The following HIVEP3 variants were observed in gnomAD, a reference collection of about 807,000 sequenced individuals.
HIVEP3 encodes transcription factor HIVEP3.
A neutral mutation model predicts 152.8 loss-of-function variants in HIVEP3; 49 were observed. The observed-to-expected ratio is 0.32, with a 90% CI of 0.26 to 0.41. HIVEP3 has a LOEUF of 0.41. HIVEP3 is among the 10% of genes least tolerant of loss of function. HIVEP3 has a pLI of 1.00. For synonymous variants in HIVEP3, 1,269 were observed against 1,289.0 expected (o/e 0.98, Z 0.33); for missense variants, 2,790 against 3,103.3 (o/e 0.90, Z 2.40).
intron 2 of HIVEP3, among the ~76,000 whole-genome samples, chr1:41,692,995 G>A (rs1646219302): frequency 6.6e-6 from 1 of 152,176 alleles, no homozygotes; most frequent in South Asian, 2.1e-4. Flanking sequence ...TTTTATAAGT[G>A]TTATCTCATT....
At chr1:41,944,547 T>C (rs1309346337) in intron 1 of HIVEP3, among the ~76,000 whole-genome samples, 1 of 152,154 alleles carries the variant, frequency 6.6e-6, no homozygotes, top group Non-Finnish European at 1.5e-5. Context: ...TATGAAATAC[T>C]CAGGAACCCA....
At chr1:41,830,899 C>A (rs543549357) in intron 1 of HIVEP3, among the ~76,000 whole-genome samples, 1 of 152,154 alleles carries the variant, frequency 6.6e-6, no homozygotes, top group Non-Finnish European at 1.5e-5. Flanking sequence ...TATCCCTACG[C>A]GTTCGTGACT....
chr1:41,977,626 G>A (rs569902955), intron 1 of HIVEP3, among the ~76,000 whole-genome samples: 6 of 152,346 alleles, frequency 3.9e-5, no homozygotes, highest in African/African-American at 9.6e-5. Context: ...GAACATCTGC[G>A]AATAAAGCAG....
intron 1 of HIVEP3, among the ~76,000 whole-genome samples, chr1:41,813,774 T>C (rs1203186688): frequency 1.3e-5 from 2 of 152,124 alleles, no homozygotes; most frequent in African/African-American, 4.8e-5. Context: ...CAACTCTTCC[T>C]AAACACAGGG....
chr1:41,702,545 T>G (rs975870102), intron 1 of HIVEP3, among the ~76,000 whole-genome samples: 1 of 152,238 alleles, frequency 6.6e-6, no homozygotes, highest in African/African-American at 2.4e-5. Context: ...CTAAATGAAC[T>G]GATGTACATA....
chr1:41,548,609 C>T (rs1377269206), intron 5 of HIVEP3, among the ~76,000 whole-genome samples: 1 of 151,950 alleles, frequency 6.6e-6, no homozygotes, highest in African/African-American at 2.4e-5. Context: ...GATATCGGCT[C>T]ATTGCAACCT....
chr1:41,535,612 G>C (rs1046591615), intron 5 of HIVEP3: 1 of 152,234 alleles, frequency 6.6e-6, no homozygotes, highest in Non-Finnish European at 1.5e-5. Context: ...GCAGGACAGA[G>C]GCTATGGGGA....
intron 2 of HIVEP3, among the ~76,000 whole-genome samples, chr1:41,650,206 G>A (rs746126506): frequency 7.2e-5 from 11 of 152,118 alleles, no homozygotes; most frequent in African/African-American, 1.9e-4. Flanking sequence ...GAAAGGACCC[G>A]AGGGACTGCT....
At chr1:41,545,695 TCACCACCAC>T (rs58607679) in intron 5 of HIVEP3, among the ~76,000 whole-genome samples, 23 of 91,060 alleles carry the variant, frequency 2.5e-4, no homozygotes, top group African/African-American at 4.3e-4. Context: ...ATCACCACCA[TCACCACCAC>T]CACCACCACC....
chr1:41,989,959 G>C (rs1291870161), intron 1 of HIVEP3, among the ~76,000 whole-genome samples: 2 of 106,254 alleles, frequency 1.9e-5, no homozygotes, highest in South Asian at 3.7e-4. Flanking sequence ...ATTTGATCCT[G>C]TCATGATGAT....
intron 1 of HIVEP3, among the ~76,000 whole-genome samples, chr1:42,004,375 T>C (rs1245696014): frequency 6.6e-6 from 1 of 152,230 alleles, no homozygotes; most frequent in Non-Finnish European, 1.5e-5. Context: ...TTAATTATGT[T>C]TGCACATCCA....
intron 1 of HIVEP3, among the ~76,000 whole-genome samples, chr1:41,713,044 C>T (rs555744131): frequency 7.1e-4 from 108 of 152,316 alleles, no homozygotes; most frequent in African/African-American, 2.5e-3. Context: ...ACAAGTTCAG[C>T]AGAGCATTTG....
intron 2 of HIVEP3, among the ~76,000 whole-genome samples, chr1:41,655,855 C>T (rs1455989017): frequency 3.3e-5 from 5 of 152,144 alleles, no homozygotes; most frequent in Admixed American, 2.0e-4. Flanking sequence ...GAGGGCTCAA[C>T]AGATGTCTGC....
intron 1 of HIVEP3, among the ~76,000 whole-genome samples, chr1:41,929,839 C>A (rs1448904524): frequency 6.7e-6 from 1 of 149,850 alleles, no homozygotes; most frequent in Non-Finnish European, 1.5e-5. Flanking sequence ...TTATTAGTAA[C>A]TTCTTTCTCA....
intron 1 of HIVEP3, among the ~76,000 whole-genome samples, chr1:41,713,818 A>G (rs1646550282): frequency 6.6e-6 from 1 of 152,238 alleles, no homozygotes; most frequent in Admixed American, 6.5e-5. Flanking sequence ...GAGCTCTGGA[A>G]TGCAGGGAAA....
At chr1:41,572,283 A>G (rs950121095) in intron 5 of HIVEP3, among the ~76,000 whole-genome samples, 2 of 152,198 alleles carry the variant, frequency 1.3e-5, no homozygotes, top group African/African-American at 4.8e-5. Flanking sequence ...GGGGCTAAGG[A>G]GATGGGTGAC....
At chr1:41,791,797 C>T (rs1418484909) in intron 1 of HIVEP3, among the ~76,000 whole-genome samples, 1 of 152,148 alleles carries the variant, frequency 6.6e-6, no homozygotes, top group Non-Finnish European at 1.5e-5. Context: ...GGCTCCTACA[C>T]ACCTCTCTAG....
intron 2 of HIVEP3, among the ~76,000 whole-genome samples, chr1:41,674,173 C>T (rs1164305230): frequency 1.3e-5 from 2 of 152,220 alleles, no homozygotes; most frequent in East Asian, 3.9e-4. Context: ...GGCCCTGAGT[C>T]TGTCTCATGC....
intron 3 of HIVEP3, among the ~76,000 whole-genome samples, chr1:41,626,303 GAC>G (rs1645116360): frequency 6.6e-6 from 1 of 152,210 alleles, no homozygotes; most frequent in Admixed American, 6.5e-5. Flanking sequence ...TGATCACCTG[GAC>G]TCCAGCAGCA....
Sources: gnomAD v4.1 joint callset for allele counts (sites outside exome capture counted in the v4.1 genomes callset) on GRCh38, gnomAD v4.1.1 for gene constraint, MANE v1.5 for transcripts, NCBI Gene and HGNC (gene_info 2026-07-23, HGNC 2026-07-21) for gene names.